Variants in KDM2B observed in about 807,000 individuals in gnomAD.
KDM2B encodes lysine-specific demethylase 2B.
KDM2B carries 26 observed loss-of-function variants against 150.0 expected under a neutral mutation model. The observed-to-expected ratio is 0.17, with a 90% CI of 0.13 to 0.24. The LOEUF (loss-of-function observed/expected upper bound fraction) is 0.24. Ranked by LOEUF, KDM2B falls within the 10% of genes least tolerant of loss-of-function variation. The pLI is 1.00. For synonymous variants in KDM2B, 734 were observed against 729.5 expected, an observed-to-expected ratio of 1.01 and a Z score of -0.10; for missense variants, 1,265 against 1,816.9, an observed-to-expected ratio of 0.70 and a Z score of 5.52.
Position 121,533,100 on chromosome 12 carries a change from T to G in KDM2B, c.778-141A>C. ...GGGGTGTGGAGAGATGGCAGATCCA[T>G]CCCTCTGGACTCTCTGCAAGGCCAG... On this transcript the variant is annotated intron_variant, in intron 7 of 22. Coordinates refer to ENST00000377071, the MANE Select transcript of KDM2B (RefSeq NM_032590.5). The surrounding 1 kb of genome is among the most constrained non-coding windows in gnomAD (Gnocchi z 4.1). The G allele has an allele frequency of 1.3e-6, 1 of 798,052 alleles. No homozygotes were observed. The highest frequency in any genetic ancestry group is 2.0e-6 in the Non-Finnish European group (1 of 500,562). The allele number at this position is 798,052 out of a possible 1,614,324, so 49.4% of individuals were successfully genotyped here. A position where few individuals can be genotyped will look rare whatever the true frequency, so the allele number is the denominator to read the frequency against.
chr12:121,464,929 G>A (rs1229890805), intron 12 of KDM2B, among the ~76,000 whole-genome samples: 1 of 152,188 alleles, frequency 6.6e-6, no homozygotes, highest in Non-Finnish European at 1.5e-5. Flanking sequence ...GGCTCAGGCT[G>A]AGAAAACTGT....
Position 121,474,239 on chromosome 12 carries a change from C to A in KDM2B, c.1734+20340G>T, listed in dbSNP as rs900155103. On this transcript the variant is annotated intron_variant, in intron 12 of 22. Transcript: ENST00000377071. ...AATTTTTAGGTTAGGTACGGCCGGGCACGGTGGCTCACACCTGTAATCCCA... is the reference window on the plus strand; with the variant it reads ...AATTTTTAGGTTAGGTACGGCCGGGAACGGTGGCTCACACCTGTAATCCCA... Among the ~76,000 whole-genome samples, 5 of 152,246 alleles carry A rather than the reference C, an allele frequency of 3.3e-5. No individual in the cohort carries two copies. In the South Asian group the frequency reaches 1.0e-3, roughly 32 times the overall value.
At chr12:121,546,240 C>G (rs1409118615) in intron 6 of KDM2B, among the ~76,000 whole-genome samples, 17 of 152,156 alleles carry the variant, frequency 1.1e-4, no homozygotes, top group African/African-American at 2.9e-4. Context: ...ATGAATGAAT[C>G]AATCAACCAA....
intron 12 of KDM2B, among the ~76,000 whole-genome samples, chr12:121,492,072 C>T (rs1177326852): frequency 1.3e-5 from 2 of 151,902 alleles, no homozygotes; most frequent in African/African-American, 4.8e-5. Flanking sequence ...ATGGGAGGAT[C>T]GCTTGATCCA....
chr12:121,511,767 TA>T (rs1555304076), intron 10 of KDM2B, among the ~76,000 whole-genome samples: 1 of 152,156 alleles, frequency 6.6e-6, no homozygotes, highest in East Asian at 1.9e-4. Flanking sequence ...TAGGGCTGCT[TA>T]AAAAATATAA....
chr12:121,578,699 T>C, intron 2 of KDM2B, 103 bp downstream of exon 2: 1 of 504,768 alleles, frequency 2.0e-6, no homozygotes, highest in Non-Finnish European at 2.5e-6. Context: ...TCCCCTGGAA[T>C]GGGGGACGCG....
the KDM2B span, among the ~76,000 whole-genome samples, chr12:121,411,691 TAC>T: frequency 2.6e-5 from 4 of 152,216 alleles, no homozygotes; most frequent in African/African-American, 4.8e-5. Context: ...AGGAATTTTT[TAC>T]ACAGTTACTT....
intron 12 of KDM2B, among the ~76,000 whole-genome samples, chr12:121,466,960 T>C (rs1308898856): frequency 6.8e-6 from 1 of 147,370 alleles, no homozygotes; most frequent in Non-Finnish European, 1.5e-5. Flanking sequence ...ACACGCCCCC[T>C]GCCCGGGCCG....
intron 2 of KDM2B, 141 bp downstream of exon 2, chr12:121,578,661 C>CA (rs1462799038): frequency 9.1e-6 from 3 of 328,416 alleles, no homozygotes; most frequent in African/African-American, 6.6e-5. Context: ...CCCACCCCCC[C>CA]AGTGCTCGGC....
intron 19 of KDM2B, 67 bp from the exon 20 acceptor site, chr12:121,441,300 T>C: frequency 6.7e-7 from 1 of 1,496,118 alleles, no homozygotes. Context: ...CACACACAGC[T>C]CTTAACTGTC....
chr12:121,565,719 G>A (rs575829327), intron 4 of KDM2B, among the ~76,000 whole-genome samples: 6 of 152,090 alleles, frequency 3.9e-5, no homozygotes, highest in East Asian at 1.9e-4. Flanking sequence ...CCGCCCCACC[G>A]GGTTCAAGCA....
intron 6 of KDM2B, chr12:121,534,802 C>T: frequency 1.9e-6 from 1 of 537,694 alleles, no homozygotes. Flanking sequence ...CACTGGTCGC[C>T]TACCTACCCC....
At chr12:121,438,597 C>G (rs1555287354) in intron 22 of KDM2B, among the ~76,000 whole-genome samples, 1 of 152,128 alleles carries the variant, frequency 6.6e-6, no homozygotes, top group African/African-American at 2.4e-5. Flanking sequence ...CGAGGTGGAA[C>G]AATCCCTGCC....
At chr12:121,524,759 T>G (rs1555306532) in intron 8 of KDM2B, 3 of 435,128 alleles carry the variant, frequency 6.9e-6, no homozygotes, top group African/African-American at 6.1e-5. Context: ...AACGCTGGCA[T>G]CTGCCTCCTG....
At chr12:121,448,123 A>G (rs111973012) in intron 13 of KDM2B, among the ~76,000 whole-genome samples, 11,401 of 151,944 alleles carry the variant, frequency 0.075, 602 homozygotes, top group South Asian at 0.24. Context: ...GTTTGAGACT[A>G]GCCTGGGCAA....
chr12:121,517,691 G>A (rs1029276167), intron 9 of KDM2B, among the ~76,000 whole-genome samples: 5 of 151,516 alleles, frequency 3.3e-5, no homozygotes, highest in South Asian at 4.2e-4. Context: ...GGCTGGTCTC[G>A]AACTCCTGAC....
intron 22 of KDM2B, among the ~76,000 whole-genome samples, chr12:121,431,312 T>TC: frequency 6.9e-6 from 1 of 144,442 alleles, no homozygotes; most frequent in East Asian, 2.0e-4. Flanking sequence ...TTTTTTTTTT[T>TC]TTTTTTTTTT....
chr12:121,528,196 G>A (rs572615942), intron 8 of KDM2B, among the ~76,000 whole-genome samples: 48 of 152,226 alleles, frequency 3.2e-4, no homozygotes, highest in Admixed American at 1.4e-3. Context: ...CACCTTCAAC[G>A]GTCTTCCTCT....
At chr12:121,496,023 A>G (rs551871456) in intron 11 of KDM2B, among the ~76,000 whole-genome samples, 1 of 152,222 alleles carries the variant, frequency 6.6e-6, no homozygotes, top group African/African-American at 2.4e-5. Context: ...GCTGGACTTT[A>G]GAACATCATC....
Sources: allele counts gnomAD v4.1 joint callset (sites outside exome capture counted in the v4.1 genomes callset), GRCh38; gene constraint gnomAD v4.1.1; non-coding constraint Gnocchi (gnomAD v3.1); transcripts MANE v1.5; gene names NCBI Gene and HGNC (gene_info 2026-07-23, HGNC 2026-07-21).